The following PUM2 variants were observed in gnomAD, a reference collection of about 807,000 sequenced individuals.
PUM2 encodes the protein pumilio homolog 2.
PUM2 carries 57 observed loss-of-function variants against 124.5 expected under a neutral mutation model. The ratio of observed to expected loss-of-function variants is 0.46; its 90% confidence interval spans 0.37 to 0.57. PUM2 has a LOEUF of 0.57. PUM2 is among the 20% of genes least tolerant of loss of function. The pLI, the probability that PUM2 is intolerant of heterozygous loss-of-function variation, is 0.00. For missense variants in PUM2, 1,065 were observed against 1,290.6 expected (o/e 0.83, Z 2.68); for synonymous variants, 460 against 446.1 (o/e 1.03, Z -0.39).
intron 1 of PUM2, among the ~76,000 whole-genome samples, chr2:20,335,247 T>G (rs1685757447): frequency 6.6e-6 from 1 of 152,208 alleles, no homozygotes; most frequent in Non-Finnish European, 1.5e-5. Flanking sequence ...ATGAACATAA[T>G]CATTGAACAT....
chr2:20,291,907 C>A (rs1674200027), intron 9 of PUM2, among the ~76,000 whole-genome samples: 1 of 152,042 alleles, frequency 6.6e-6, no homozygotes, highest in South Asian at 2.1e-4. Context: ...AATGAATTTT[C>A]CATCACCAAG....
chr2:20,303,675 C>T (rs10192042), intron 7 of PUM2, among the ~76,000 whole-genome samples: 55,152 of 152,038 alleles, frequency 0.36, 10,125 homozygotes, highest in Middle Eastern at 0.43. Context: ...TTCTCCTTTA[C>T]ATTTCCCATG....
At chr2:20,301,062 A>T (rs888828074) in intron 7 of PUM2, among the ~76,000 whole-genome samples, 3 of 152,224 alleles carry the variant, frequency 2.0e-5, no homozygotes, top group African/African-American at 7.2e-5. Flanking sequence ...CAGTTGTCCC[A>T]TATTTCCGGA....
chr2:20,350,959 G>T, upstream of PUM2: 1 of 203,830 alleles, frequency 4.9e-6, no homozygotes, highest in Non-Finnish European at 8.7e-6. Flanking sequence ...CTGCCGCCGC[G>T]CGGGCCGGGG....
At chr2:20,332,607 T>C (rs1039422589) in intron 1 of PUM2, among the ~76,000 whole-genome samples, 8 of 152,190 alleles carry the variant, frequency 5.3e-5, no homozygotes, top group African/African-American at 1.9e-4. Flanking sequence ...GGGGAGACAG[T>C]TGCCCATATG....
intron 8 of PUM2, among the ~76,000 whole-genome samples, chr2:20,295,478 C>T (rs1301130204): frequency 1.3e-5 from 2 of 151,832 alleles, no homozygotes; most frequent in Non-Finnish European, 2.9e-5. Context: ...CTACAGATAG[C>T]CAGGTAAGCT....
chr2:20,344,612 G>A (rs1687861129), intron 1 of PUM2, among the ~76,000 whole-genome samples: 1 of 151,974 alleles, frequency 6.6e-6, no homozygotes, highest in Non-Finnish European at 1.5e-5. Flanking sequence ...TACCCTATCA[G>A]GATTACTACG....
chr2:20,261,361 T>C (rs1666169061), intron 14 of PUM2, among the ~76,000 whole-genome samples: 1 of 121,460 alleles, frequency 8.2e-6, no homozygotes, highest in African/African-American at 3.3e-5. Flanking sequence ...GCCATTGCAC[T>C]CCAGCCTAAG....
intron 10 of PUM2, among the ~76,000 whole-genome samples, chr2:20,285,044 T>C (rs1397746193): frequency 1.3e-5 from 2 of 152,270 alleles, no homozygotes; most frequent in Non-Finnish European, 1.5e-5. Flanking sequence ...TTACTTAACA[T>C]CTGAATTTGA....
chr2:20,263,592 A>G, intron 13 of PUM2, 132 bp from the exon 14 acceptor site: 1 of 1,123,462 alleles, frequency 8.9e-7, no homozygotes, highest in South Asian at 1.6e-5. Context: ...ATGACAGAAA[A>G]TTAAAATTGG....
At chr2:20,325,750 T>C (rs1683532141) in intron 2 of PUM2, among the ~76,000 whole-genome samples, 1 of 151,962 alleles carries the variant, frequency 6.6e-6, no homozygotes, top group African/African-American at 2.4e-5. Context: ...GCCTCCCGAG[T>C]AGCTGGGACT....
chr2:20,348,280 T>G (rs1312311580), intron 1 of PUM2, among the ~76,000 whole-genome samples: 1 of 152,156 alleles, frequency 6.6e-6, no homozygotes, highest in African/African-American at 2.4e-5. Context: ...GTTAGTAAAA[T>G]GGTCTCAAGC....
rs1689229205 is a variant in PUM2, at chr2:20,350,790, G to A, written c.-212C>T. 3 of 977,764 alleles carry A rather than the reference G, an allele frequency of 3.1e-6. No homozygotes were observed. The highest frequency in any genetic ancestry group is 3.6e-6 in the Non-Finnish European group (3 of 826,938). 60.6% of individuals were successfully genotyped at this position (977,764 alleles called of 1,614,324 possible). On this transcript the variant is annotated 5_prime_UTR_variant, in exon 1 of 21. Coordinates refer to ENST00000361078, the MANE Select transcript of PUM2 (RefSeq NM_015317.5). ...TCCTCCGAACCACCGAAGTACCGAG[G>A]GTGAGACACAGAGACTCACAACAAC...
chr2:20,263,618 C>T (rs1375715727), intron 13 of PUM2, among the ~76,000 whole-genome samples, 158 bp from the exon 14 acceptor site: 1 of 152,148 alleles, frequency 6.6e-6, no homozygotes. Context: ...GAAAATCTCA[C>T]CCATATACCT....
At chr2:20,307,884 A>C in intron 7 of PUM2, 94 bp downstream of exon 7, 1 of 1,472,998 alleles carries the variant, frequency 6.8e-7, no homozygotes. Flanking sequence ...TGTTTCAAAA[A>C]GTAACAAAAC....
intron 7 of PUM2, among the ~76,000 whole-genome samples, chr2:20,302,324 G>T (rs1361455443): frequency 6.6e-6 from 1 of 152,080 alleles, no homozygotes; most frequent in Non-Finnish European, 1.5e-5. Flanking sequence ...TGCCAAAACA[G>T]GACATTATCA....
At chr2:20,321,292 AG>A (rs1225334296) in intron 2 of PUM2, among the ~76,000 whole-genome samples, 2 of 152,178 alleles carry the variant, frequency 1.3e-5, no homozygotes, top group African/African-American at 4.8e-5. Flanking sequence ...TCTCAAAAAA[AG>A]AAAAAAGAAA....
chr2:20,325,979 T>G (rs10197941), intron 2 of PUM2, among the ~76,000 whole-genome samples: 5,266 of 152,242 alleles, frequency 0.035, 92 homozygotes, highest in Middle Eastern at 0.068. Context: ...GACAAGAAGG[T>G]TGAAGCACTG....
intron 1 of PUM2, among the ~76,000 whole-genome samples, chr2:20,336,137 A>AT (rs760863503): frequency 6.6e-6 from 1 of 152,212 alleles, no homozygotes; most frequent in Non-Finnish European, 1.5e-5. Flanking sequence ...GGAAATGAAG[A>AT]TGACAAGCTT....
Sources: gnomAD v4.1 joint callset for allele counts (sites outside exome capture counted in the v4.1 genomes callset) on GRCh38, gnomAD v4.1.1 for gene constraint, MANE v1.5 for transcripts, NCBI Gene and HGNC (gene_info 2026-07-23, HGNC 2026-07-21) for gene names.